The following TENM3 variants were observed in gnomAD, a reference collection of about 807,000 sequenced individuals.
TENM3 encodes the protein teneurin transmembrane protein 3, also known as teneurin-3.
A neutral mutation model predicts 255.1 loss-of-function variants in TENM3; 63 were observed. That is an observed-to-expected ratio of 0.25 (90% CI 0.20 to 0.30). The LOEUF is 0.30. Ranked by LOEUF, TENM3 falls within the 10% of genes least tolerant of loss-of-function variation. TENM3 has a pLI of 1.00. For synonymous variants in TENM3, 1,306 were observed against 1,322.3 expected (o/e 0.99, Z 0.27); for missense variants, 2,929 against 3,461.1 (o/e 0.85, Z 3.86).
At chr4:181,923,170 TG>T in the TENM3 span, among the ~76,000 whole-genome samples, 1 of 152,190 alleles carries the variant, frequency 6.6e-6, no homozygotes, top group Non-Finnish European at 1.5e-5. Context: ...TGGTCGATTT[TG>T]GAATAGGTGT....
intron 4 of TENM3, among the ~76,000 whole-genome samples, chr4:182,619,221 A>C (rs1298755282): frequency 6.6e-6 from 1 of 151,994 alleles, no homozygotes; most frequent in Non-Finnish European, 1.5e-5. Context: ...AGGTCAGGAG[A>C]TCAAGACCAT....
At chr4:182,483,688 C>G (rs1180439976) in intron 3 of TENM3, among the ~76,000 whole-genome samples, 2 of 151,990 alleles carry the variant, frequency 1.3e-5, no homozygotes, top group East Asian at 1.9e-4. Flanking sequence ...CTACCTGATA[C>G]TGGTAGTTTT....
intron 27 of TENM3, among the ~76,000 whole-genome samples, 196 bp downstream of exon 27, chr4:182,796,963 T>C (rs1766537086): frequency 6.6e-6 from 1 of 152,216 alleles, no homozygotes; most frequent in African/African-American, 2.4e-5. Flanking sequence ...TTAAATATGT[T>C]TTCAGCAATG....
chr4:181,675,078 CA>C, the TENM3 span, among the ~76,000 whole-genome samples: 5 of 152,130 alleles, frequency 3.3e-5, no homozygotes, highest in African/African-American at 1.2e-4. Context: ...ACTAGCTAAA[CA>C]GCAAGTCTGG....
At chr4:181,550,124 A>G in the TENM3 span, among the ~76,000 whole-genome samples, 1 of 152,208 alleles carries the variant, frequency 6.6e-6, no homozygotes, top group Non-Finnish European at 1.5e-5. Context: ...GGGAGACAGT[A>G]TGTTTTCACT....
intron 4 of TENM3, among the ~76,000 whole-genome samples, chr4:182,611,191 A>G (rs1011647886): frequency 6.6e-6 from 1 of 152,008 alleles, no homozygotes; most frequent in Non-Finnish European, 1.5e-5. Context: ...AAAATTTTTT[A>G]TTACATTTGA....
chr4:181,833,213 C>T, the TENM3 span, among the ~76,000 whole-genome samples: 2 of 152,058 alleles, frequency 1.3e-5, no homozygotes, highest in Non-Finnish European at 2.9e-5. Flanking sequence ...AGATCACTGG[C>T]GCTGGCATCT....
chr4:182,632,975 G>T (rs972000102), intron 5 of TENM3, among the ~76,000 whole-genome samples: 1 of 151,842 alleles, frequency 6.6e-6, no homozygotes, highest in African/African-American at 2.4e-5. Context: ...TGTCTCACAG[G>T]CTGGAGTGCA....
At chr4:181,801,651 A>AAT in the TENM3 span, among the ~76,000 whole-genome samples, 4,515 of 78,142 alleles carry the variant, frequency 0.058, 176 homozygotes, top group Non-Finnish European at 0.079. Flanking sequence ...AGAATTGTAA[A>AAT]ATATATATAT....
At chr4:182,151,794 G>A (rs904659818) in intron 1 of TENM3, among the ~76,000 whole-genome samples, 7 of 151,926 alleles carry the variant, frequency 4.6e-5, no homozygotes, top group African/African-American at 1.7e-4. Context: ...CTTAAATTTT[G>A]TGTAATGATG....
the TENM3 span, among the ~76,000 whole-genome samples, chr4:181,452,956 T>A: frequency 6.6e-6 from 1 of 152,172 alleles, no homozygotes; most frequent in Non-Finnish European, 1.5e-5. Context: ...GAAATAATCA[T>A]GGCATTCAAC....
At chr4:181,787,891 C>A in the TENM3 span, among the ~76,000 whole-genome samples, 3 of 152,104 alleles carry the variant, frequency 2.0e-5, no homozygotes, top group African/African-American at 7.2e-5. Context: ...GTCCGCACAA[C>A]TCAGGAGACT....
At chr4:182,687,601 C>G (rs945646700) in intron 11 of TENM3, among the ~76,000 whole-genome samples, 3 of 152,120 alleles carry the variant, frequency 2.0e-5, no homozygotes, top group Non-Finnish European at 4.4e-5. Context: ...AAAACAGTTT[C>G]TTTTTACATG....
the TENM3 span, among the ~76,000 whole-genome samples, chr4:181,753,467 G>A: frequency 1.3e-5 from 2 of 152,096 alleles, no homozygotes; most frequent in Non-Finnish European, 2.9e-5. Flanking sequence ...CAGAGATCTG[G>A]CTAGTGGTCT....
At chr4:182,250,585 C>T (rs1041607807) in intron 1 of TENM3, among the ~76,000 whole-genome samples, 2 of 152,108 alleles carry the variant, frequency 1.3e-5, no homozygotes, top group African/African-American at 2.4e-5. Flanking sequence ...AAATCGCTAA[C>T]GAATTTGGTT....
intron 3 of TENM3, among the ~76,000 whole-genome samples, chr4:182,358,433 C>A (rs1424859903): frequency 2.6e-5 from 4 of 151,848 alleles, no homozygotes; most frequent in Non-Finnish European, 4.4e-5. Context: ...AGGTCCTTCA[C>A]ATCCCTTGTA....
the TENM3 span, among the ~76,000 whole-genome samples, chr4:181,845,822 C>T: frequency 3.9e-5 from 6 of 152,322 alleles, no homozygotes; most frequent in Middle Eastern, 3.4e-3. Flanking sequence ...CTACAGGTTA[C>T]AGCGGGTGTT....
chr4:182,156,640 G>T (rs538225228), intron 1 of TENM3, among the ~76,000 whole-genome samples: 17 of 151,548 alleles, frequency 1.1e-4, no homozygotes, highest in Non-Finnish European at 2.1e-4. Flanking sequence ...TATATTTAGA[G>T]AGAAACGTAT....
chr4:182,241,027 A>G (rs1285853078), upstream of TENM3, among the ~76,000 whole-genome samples: 1 of 152,100 alleles, frequency 6.6e-6, no homozygotes, highest in Non-Finnish European at 1.5e-5. Flanking sequence ...GCCTGCTTGC[A>G]TCTTTGAGGC....
Sources: gnomAD v4.1 joint callset for allele counts (sites outside exome capture counted in the v4.1 genomes callset) on GRCh38, gnomAD v4.1.1 for gene constraint, MANE v1.5 for transcripts, NCBI Gene and HGNC (gene_info 2026-07-23, HGNC 2026-07-21) for gene names.